IMMP2L: variants seen among roughly 807,000 people sequenced by gnomAD.
IMMP2L encodes inner mitochondrial membrane peptidase subunit 2.
Under a neutral mutation model 19.3 loss-of-function variants are expected in IMMP2L, and 18 were observed. The ratio of observed to expected loss-of-function variants is 0.93; its 90% confidence interval spans 0.64 to 1.38. IMMP2L has a LOEUF of 1.38. IMMP2L is among the 40% of genes most tolerant of loss of function. The pLI, the probability that IMMP2L is intolerant of heterozygous loss-of-function variation, is 0.00. For synonymous variants in IMMP2L, 76 were observed against 73.0 expected, an observed-to-expected ratio of 1.04 and a Z score of -0.21; for missense variants, 233 against 218.2, an observed-to-expected ratio of 1.07 and a Z score of -0.43.
At chr7:111,104,997 A>T (rs1266533374) in intron 3 of IMMP2L, among the ~76,000 whole-genome samples, 1 of 151,806 alleles carries the variant, frequency 6.6e-6, no homozygotes, top group Admixed American at 6.6e-5. Flanking sequence ...CTAAAATGTG[A>T]ATCTACTTGC....
chr7:111,249,764 A>G (rs544728095), intron 3 of IMMP2L, among the ~76,000 whole-genome samples: 32 of 152,196 alleles, frequency 2.1e-4, no homozygotes, highest in African/African-American at 7.7e-4. Context: ...GCATACCTCA[A>G]AATAACCAGA....
chr7:111,476,051 A>G (rs1045796949), intron 3 of IMMP2L, among the ~76,000 whole-genome samples: 4 of 152,250 alleles, frequency 2.6e-5, no homozygotes, highest in African/African-American at 7.2e-5. Context: ...TTCCATTTTG[A>G]TCCCTAAAGC....
intron 3 of IMMP2L, among the ~76,000 whole-genome samples, chr7:110,988,943 A>C (rs1446187617): frequency 6.6e-6 from 1 of 152,118 alleles, no homozygotes; most frequent in Admixed American, 6.6e-5. Flanking sequence ...GATAGACATT[A>C]ATATGTTCTT....
intron 5 of IMMP2L, among the ~76,000 whole-genome samples, chr7:110,853,495 T>A (rs1806450517): frequency 6.6e-6 from 1 of 152,032 alleles, no homozygotes; most frequent in Non-Finnish European, 1.5e-5. Flanking sequence ...GGAAATGGTT[T>A]CAGACAGTAC....
At chr7:110,777,819 T>C (rs1339534380) in intron 5 of IMMP2L, among the ~76,000 whole-genome samples, 2 of 152,010 alleles carry the variant, frequency 1.3e-5, no homozygotes, top group African/African-American at 4.8e-5. Flanking sequence ...GGTGGTTACA[T>C]ATGCAGTCTT....
At chr7:111,440,602 C>G (rs2131782031) in intron 3 of IMMP2L, among the ~76,000 whole-genome samples, 1 of 151,898 alleles carries the variant, frequency 6.6e-6, no homozygotes, top group Middle Eastern at 3.4e-3. Flanking sequence ...AGAGCACAGT[C>G]AGAGCATATT....
chr7:111,062,042 T>A (rs1426861685), intron 3 of IMMP2L, among the ~76,000 whole-genome samples: 13 of 152,354 alleles, frequency 8.5e-5, no homozygotes, highest in Admixed American at 7.8e-4. Flanking sequence ...CCACACTTGC[T>A]TAGCACCCTT....
chr7:110,701,508 C>T (rs530338958), intron 5 of IMMP2L, among the ~76,000 whole-genome samples: 1 of 152,100 alleles, frequency 6.6e-6, no homozygotes, highest in African/African-American at 2.4e-5. Flanking sequence ...ACAATCTCTG[C>T]CTCCCAGGTT....
At chr7:110,689,191 A>G (rs1201651870) in intron 5 of IMMP2L, among the ~76,000 whole-genome samples, 1 of 152,158 alleles carries the variant, frequency 6.6e-6, no homozygotes, top group Non-Finnish European at 1.5e-5. Context: ...GCTTGCAAAC[A>G]ATGGCTTCAC....
chr7:110,847,755 G>A (rs1386730408), intron 5 of IMMP2L, among the ~76,000 whole-genome samples: 2 of 152,106 alleles, frequency 1.3e-5, no homozygotes, highest in Non-Finnish European at 2.9e-5. Flanking sequence ...AGGGCCACAG[G>A]ATATAGTCAA....
At chr7:111,327,681 G>C (rs1237525496) in intron 3 of IMMP2L, among the ~76,000 whole-genome samples, 1 of 151,670 alleles carries the variant, frequency 6.6e-6, no homozygotes, top group Admixed American at 6.6e-5. Context: ...AAATAAGTTA[G>C]AGGCTAGAAA....
At chr7:111,199,811 C>A (rs77082357) in intron 3 of IMMP2L, among the ~76,000 whole-genome samples, 6,497 of 152,186 alleles carry the variant, frequency 0.043, 201 homozygotes, top group South Asian at 0.082. Context: ...GATGTCTTAT[C>A]TCACATAAAG....
At chr7:111,481,623 T>C (rs185638280) in intron 3 of IMMP2L, among the ~76,000 whole-genome samples, 73 of 151,974 alleles carry the variant, frequency 4.8e-4, no homozygotes, top group African/African-American at 1.7e-3. Context: ...CTCCATAGAT[T>C]ATGTGTCTTT....
chr7:110,727,749 G>A lies in IMMP2L; in HGVS notation c.409-64028C>T, dbSNP rs887313456. Among the ~76,000 whole-genome samples the A allele has an allele frequency of 6.6e-6, 1 of 152,188 alleles. No homozygotes were observed. The highest frequency in any genetic ancestry group is 1.5e-5 in the Non-Finnish European group (1 of 68,036). ...TATTCTTACCTCCGAAGCTACTGTAGAGAGTATTATTATCTAAGAGAGTCT... is the reference window on the plus strand; with the variant it reads ...TATTCTTACCTCCGAAGCTACTGTAAAGAGTATTATTATCTAAGAGAGTCT... On this transcript the variant is annotated intron_variant, in intron 5 of 5. Coordinates refer to ENST00000405709, the MANE Select transcript of IMMP2L (RefSeq NM_032549.4). This position sits in a 1 kb window ranked among gnomAD's most constrained non-coding sequence, Gnocchi z 4.3.
intron 3 of IMMP2L, among the ~76,000 whole-genome samples, chr7:111,332,723 A>T (rs1021739496): frequency 6.6e-6 from 1 of 152,096 alleles, no homozygotes; most frequent in Non-Finnish European, 1.5e-5. Context: ...TTTTCTCTCA[A>T]ATGCATGTGG....
chr7:111,115,979 A>C (rs1011337166), intron 3 of IMMP2L, among the ~76,000 whole-genome samples: 1 of 152,062 alleles, frequency 6.6e-6, no homozygotes, highest in African/African-American at 2.4e-5. Context: ...ATCCGGCCGG[A>C]ATTATTGTTT....
chr7:110,868,117 T>TTGTGTGTG lies in IMMP2L; in HGVS notation c.408+18468_408+18475dup, dbSNP rs71151813. 2.3e-3 allele frequency among the ~76,000 whole-genome samples: 339 copies of TTGTGTGTG among 144,470 alleles called. 3 individuals are homozygous for TTGTGTGTG. The highest frequency in any genetic ancestry group is 7.4e-3 in the African/African-American group (288 of 38,710). 94.8% of individuals were successfully genotyped at this position (144,470 alleles called of 152,430 possible). Reference sequence around the variant, plus strand: ...TCTGAATACCAGGTTCTTGTGAGGTTTGTGTGTGTGTGTGTGTGTGTGTGT... The same window carrying TTGTGTGTG: ...TCTGAATACCAGGTTCTTGTGAGGTTTGTGTGTGTGTGTGTGTGTGTGTGTGTGTGTGT... On this transcript the variant is annotated intron_variant, in intron 5 of 5. Coordinates refer to ENST00000405709, the MANE Select transcript of IMMP2L (RefSeq NM_032549.4).
chr7:110,792,850 T>C (rs945033555), intron 5 of IMMP2L, among the ~76,000 whole-genome samples: 1 of 151,468 alleles, frequency 6.6e-6, no homozygotes, highest in African/African-American at 2.4e-5. Context: ...CCTAGTCATC[T>C]CCCCCTCCCC....
intron 3 of IMMP2L, among the ~76,000 whole-genome samples, chr7:110,964,857 G>A (rs770224202): frequency 1.3e-5 from 2 of 151,898 alleles, no homozygotes; most frequent in Non-Finnish European, 2.9e-5. Flanking sequence ...GCAGCCTAAG[G>A]AGAGACTCGT....
Sources: allele counts gnomAD v4.1 joint callset (sites outside exome capture counted in the v4.1 genomes callset), GRCh38; gene constraint gnomAD v4.1.1; non-coding constraint Gnocchi (gnomAD v3.1); transcripts MANE v1.5; gene names NCBI Gene and HGNC (gene_info 2026-07-23, HGNC 2026-07-21).